OTULIN: variants seen among roughly 807,000 people sequenced by gnomAD.
OTULIN encodes the protein OTU deubiquitinase with linear linkage specificity.
In OTULIN, 15 loss-of-function variants were observed where a neutral mutation model predicts 39.6. The ratio of observed to expected loss-of-function variants is 0.38; its 90% CI spans 0.25 to 0.58. The LOEUF (loss-of-function observed/expected upper bound fraction) is 0.58. Ranked by LOEUF, OTULIN falls within the 20% of genes least tolerant of loss-of-function variation. The pLI is 0.66. For missense variants in OTULIN, 319 were observed against 445.9 expected, an observed-to-expected ratio of 0.72 and a Z score of 2.56; for synonymous variants, 156 against 170.3, an observed-to-expected ratio of 0.92 and a Z score of 0.65.
At chr5:14,672,089 T>A (rs1735993229) in intron 1 of OTULIN, among the ~76,000 whole-genome samples, 1 of 152,182 alleles carries the variant, frequency 6.6e-6, no homozygotes, top group South Asian at 2.1e-4. Flanking sequence ...TGCAGAGGGC[T>A]TACCCACATG....
At chr5:14,711,403 G>GA in the OTULIN span, 1 of 1,094,260 alleles carries the variant, frequency 9.1e-7, no homozygotes, top group South Asian at 1.2e-5. Flanking sequence ...GGTCTTGGGG[G>GA]ACCCCTCACT....
intron 1 of OTULIN, among the ~76,000 whole-genome samples, chr5:14,671,691 G>A (rs1417462603): frequency 6.6e-6 from 1 of 152,146 alleles, no homozygotes. Context: ...AAAGCACATG[G>A]AAAGTACCTT....
At chr5:14,674,946 A>G (rs1004734956) in intron 2 of OTULIN, among the ~76,000 whole-genome samples, 7 of 152,334 alleles carry the variant, frequency 4.6e-5, no homozygotes, top group Admixed American at 2.6e-4. Context: ...TGTGTCCTTT[A>G]AAGCTTCTTA....
chr5:14,712,863 G>T, the OTULIN span: 1 of 1,598,340 alleles, frequency 6.3e-7, no homozygotes, highest in Non-Finnish European at 8.5e-7. Context: ...CTCCCGGCGC[G>T]GCTGTCTCAC....
the OTULIN span, chr5:14,711,371 A>G: frequency 9.8e-6 from 14 of 1,431,186 alleles, no homozygotes; most frequent in Non-Finnish European, 1.4e-5. Flanking sequence ...CAGCAGAACC[A>G]CGAGCAGGGA....
downstream of OTULIN, among the ~76,000 whole-genome samples, chr5:14,703,348 A>G (rs1168280234): frequency 1.7e-5 from 1 of 59,780 alleles, no homozygotes; most frequent in African/African-American, 4.8e-5. Context: ...AAAAAAAAAA[A>G]AAAAAAAAAA....
the OTULIN span, chr5:14,706,160 G>C: frequency 6.6e-6 from 1 of 152,146 alleles, no homozygotes; most frequent in Non-Finnish European, 1.5e-5. Flanking sequence ...CTAATGTCAA[G>C]TCTTGTTAGT....
chr5:14,715,684 G>A, the OTULIN span, among the ~76,000 whole-genome samples: 1 of 152,220 alleles, frequency 6.6e-6, no homozygotes, highest in Non-Finnish European at 1.5e-5. Context: ...AGCTATGCAA[G>A]CAGTTAGCAC....
In OTULIN at chr5:14,664,724, C is replaced by T. The variant is rs181297196; in HGVS notation, c.-102C>T. On this transcript the variant is annotated 5_prime_UTR_variant, in exon 1 of 7. Transcript: ENST00000284274. The stretch of plus-strand genomic sequence containing the variant: ...AAGCGCTCTGCGGGCCCTCGGAAAC[C>T]GCCCCGGCGGCTGAGAGGCTGCGGC... The T allele has an allele frequency of 5.3e-4, 571 of 1,067,952 alleles. 12 individuals are homozygous for T. In the East Asian group the frequency reaches 0.03, roughly 57 times the overall value. 66.2% of individuals were successfully genotyped at this position (1,067,952 alleles called of 1,614,324 possible). A position where few individuals can be genotyped will look rare whatever the true frequency, so the allele number is the denominator to read the frequency against.
chr5:14,699,981 C>T (rs1484843407), downstream of OTULIN, among the ~76,000 whole-genome samples: 1 of 152,182 alleles, frequency 6.6e-6, no homozygotes, highest in African/African-American at 2.4e-5. Context: ...CATTGGAGAG[C>T]ACGAGTATGT....
rs912945213 is a variant in OTULIN at position 14,699,647 on chromosome 5, C to G, written c.*6599C>G. ...CCACTCAAGAAAGTGGAGAGAAAAA[C>G]AGGGATGCAGGCTGTGGGTCTTGTG... On this transcript the variant is annotated 3_prime_UTR_variant, in exon 7 of 7. Coordinates refer to ENST00000284274, the MANE Select transcript of OTULIN (RefSeq NM_138348.6). 2 of 152,302 alleles carry G rather than the reference C, an allele frequency of 1.3e-5. No homozygotes were observed. Among genetic ancestry groups the G allele is most frequent in the East Asian group, 3.9e-4 (2 of 5,186 alleles). The allele number at this position is 152,302 out of a possible 1,614,324, so 9.4% of individuals were successfully genotyped here.
At chr5:14,709,846 GAA>G in the OTULIN span, 1 of 152,580 alleles carries the variant, frequency 6.6e-6, no homozygotes, top group Non-Finnish European at 1.5e-5. Context: ...TTGAAAATGC[GAA>G]AATAGGAAAT....
At position 14,682,895 on chromosome 5, in the gene OTULIN, A is replaced by G. The variant is rs562926814; in HGVS notation, c.468+1288A>G. Reference sequence around the variant, plus strand: ...ATCCTCAGCAGATGGAAATGTGGCCAGGATGCTTCTTCACATTCTGGGAGC... The same window carrying G: ...ATCCTCAGCAGATGGAAATGTGGCCGGGATGCTTCTTCACATTCTGGGAGC... On this transcript the variant is annotated intron_variant, in intron 4 of 6. Transcript: ENST00000284274. Among the ~76,000 whole-genome samples, 5 of 152,326 alleles carry G rather than the reference A, an allele frequency of 3.3e-5. No homozygotes were observed. The East Asian group carries it at 9.6e-4, about 29-fold the overall frequency.
At chr5:14,685,659 C>T (rs150968446) in intron 4 of OTULIN, among the ~76,000 whole-genome samples, 1 of 152,156 alleles carries the variant, frequency 6.6e-6, no homozygotes, top group African/African-American at 2.4e-5. Flanking sequence ...ACAATTGTTT[C>T]TCTCTGTGTA....
rs1736711769 is a variant in OTULIN, at chr5:14,697,836, C to T, written c.*4788C>T. The T allele has an allele frequency of 2.0e-5, 3 of 152,194 alleles. No homozygotes were observed. The South Asian group carries it at 6.2e-4, about 32-fold the overall frequency. 9.4% of individuals were successfully genotyped at this position (152,194 alleles called of 1,614,324 possible). A position where few individuals can be genotyped will look rare whatever the true frequency, so the allele number is the denominator to read the frequency against. On this transcript the variant is annotated 3_prime_UTR_variant, in exon 7 of 7. Transcript: ENST00000284274. ...AGGGACACAGGGCTTAAAATGTCCA[C>T]AGTCTTGGCAGTGGACTTGGCAGTT...
the OTULIN span, chr5:14,713,740 G>A: frequency 1.1e-5 from 18 of 1,606,394 alleles, no homozygotes; most frequent in Non-Finnish European, 1.4e-5. This position sits in a 1 kb window ranked among gnomAD's most constrained non-coding sequence, Gnocchi z 4.4. Flanking sequence ...CTGGACCAGG[G>A]CAGCACATCC....
chr5:14,670,207 A>G (rs1415654359), intron 1 of OTULIN, among the ~76,000 whole-genome samples: 1 of 152,142 alleles, frequency 6.6e-6, no homozygotes, highest in African/African-American at 2.4e-5. Context: ...GTCAGAGTGG[A>G]TACCTCTCCA....
chr5:14,680,154 C>T (rs1736209935), intron 3 of OTULIN, among the ~76,000 whole-genome samples: 1 of 152,140 alleles, frequency 6.6e-6, no homozygotes, highest in Non-Finnish European at 1.5e-5. Flanking sequence ...GTTGGATTTG[C>T]ATAAGTATTC....
the OTULIN span, chr5:14,713,722 T>C: frequency 1.2e-6 from 2 of 1,611,466 alleles, no homozygotes; most frequent in Non-Finnish European, 1.7e-6. This position sits in a 1 kb window ranked among gnomAD's most constrained non-coding sequence, Gnocchi z 4.4. Context: ...CTCCCCATCC[T>C]GCTGCCTCTG....
Sources: gnomAD v4.1 joint callset for allele counts (sites outside exome capture counted in the v4.1 genomes callset) on GRCh38, gnomAD v4.1.1 for gene constraint, Gnocchi (gnomAD v3.1) non-coding constraint, MANE v1.5 for transcripts, NCBI Gene and HGNC (gene_info 2026-07-23, HGNC 2026-07-21) for gene names.